Variants in DNAH2 observed in about 807,000 individuals in gnomAD.
The protein encoded by DNAH2 is axonemal beta dynein heavy chain 2.
In DNAH2, 323 loss-of-function variants were observed where a neutral mutation model predicts 523.5. The ratio of observed to expected loss-of-function variants is 0.62; its 90% CI spans 0.56 to 0.68. The LOEUF is 0.68. Ranked by LOEUF, DNAH2 falls within the 30% of genes least tolerant of loss-of-function variation. DNAH2 has a pLI of 0.00. For missense variants in DNAH2, 4,907 were observed against 5,701.5 expected (o/e 0.86, Z 4.49); for synonymous variants, 2,093 against 2,177.4 (o/e 0.96, Z 1.08).
In DNAH2 at chr17:7,832,910, C is replaced by T; in HGVS notation, c.12960C>T (p.Asn4320=). The T allele has an allele frequency of 6.2e-7, 1 of 1,614,212 alleles. No individual in the cohort carries two copies. Among genetic ancestry groups the T allele is most frequent in the Non-Finnish European group, 8.5e-7 (1 of 1,180,042 alleles). ...EFIVSTVDDS[N]LVYPPKDGVW... ...TCGTTTCCACTGTGGATGACAGCAA[C>T]CTAGTGTATCCCCCCAAGGTGGGAG... Residue 4320 remains asparagine (N), a synonymous_variant, in exon 84 of 86, where the codon AAC becomes AAT. Coordinates refer to ENST00000572933, the MANE Select transcript of DNAH2 (RefSeq NM_020877.5). The surrounding 1 kb of genome is among the most constrained non-coding windows in gnomAD (Gnocchi z 4.3).
intron 18 of DNAH2, 88 bp from the exon 19 acceptor site, chr17:7,763,743 A>G: frequency 6.6e-7 from 1 of 1,519,180 alleles, no homozygotes; most frequent in South Asian, 1.2e-5. Context: ...GTTTGGGTGG[A>G]AGGAAATGAG....
intron 7 of DNAH2, among the ~76,000 whole-genome samples, chr17:7,735,748 A>T (rs1056184950): frequency 6.7e-6 from 1 of 148,248 alleles, no homozygotes; most frequent in Non-Finnish European, 1.5e-5. Context: ...TCAATTGTTA[A>T]TTTTTTTTAT....
chr17:7,818,207 G>A (rs773752034), intron 68 of DNAH2, 105 bp from the exon 69 acceptor site: 5 of 1,595,120 alleles, frequency 3.1e-6, no homozygotes, highest in Admixed American at 1.7e-5. Context: ...CCCTGGCCTG[G>A]GGCCTTAGGA....
rs2074500986 is a variant in DNAH2 at position 7,718,804 on chromosome 17, C to T, written c.-15+5C>T. The T allele has an allele frequency of 6.5e-6, 1 of 152,740 alleles. No homozygotes were observed. The highest frequency in any genetic ancestry group is 2.4e-5 in the African/African-American group (1 of 41,442). 9.5% of individuals were successfully genotyped at this position (152,740 alleles called of 1,614,324 possible). A position where few individuals can be genotyped will look rare whatever the true frequency, so the allele number is the denominator to read the frequency against. On this transcript the variant is annotated splice_donor_5th_base_variant and intron_variant, in intron 1 of 85. Transcript: ENST00000572933. The stretch of plus-strand genomic sequence containing the variant: ...ACTTCAAAGCGATAGACCCAGGTGG[C>T]AAATACTGTTTTTCTCTGTTTACAG...
intron 28 of DNAH2, among the ~76,000 whole-genome samples, chr17:7,773,287 C>T (rs2076366833): frequency 6.6e-6 from 1 of 152,184 alleles, no homozygotes; most frequent in South Asian, 2.1e-4. Context: ...TGCCATGTAT[C>T]TAAATAAAAT....
intron 39 of DNAH2, among the ~76,000 whole-genome samples, chr17:7,784,847 A>G (rs1287568814): frequency 6.6e-6 from 1 of 152,182 alleles, no homozygotes; most frequent in Non-Finnish European, 1.5e-5. Flanking sequence ...GCACTAAATA[A>G]TATAGCTACA....
chr17:7,813,083 G>T (rs1011399133), intron 63 of DNAH2, among the ~76,000 whole-genome samples: 9 of 152,188 alleles, frequency 5.9e-5, no homozygotes, highest in Non-Finnish European at 1.3e-4. Context: ...GAACCTGGCT[G>T]AGTGGGGAAC....
intron 4 of DNAH2, among the ~76,000 whole-genome samples, chr17:7,729,721 C>T (rs1200193675): frequency 2.6e-5 from 4 of 152,204 alleles, no homozygotes; most frequent in African/African-American, 7.2e-5. Context: ...TGAGCCACCA[C>T]ACCCGGCTTG....
At chr17:7,826,311 G>A (rs1005556910) in intron 77 of DNAH2, among the ~76,000 whole-genome samples, 10 of 152,138 alleles carry the variant, frequency 6.6e-5, no homozygotes, top group African/African-American at 1.9e-4. Context: ...TTACAGGTGT[G>A]AGCCACCGTG....
intron 18 of DNAH2, among the ~76,000 whole-genome samples, chr17:7,762,360 G>A (rs1217485655): frequency 1.4e-5 from 2 of 147,242 alleles, no homozygotes; most frequent in East Asian, 4.0e-4. Flanking sequence ...TTTTGAGACG[G>A]AGTCTCACTC....
intron 11 of DNAH2, among the ~76,000 whole-genome samples, chr17:7,741,293 T>TCTTTCTTCCTTCCTTC (rs1555540783): frequency 6.5e-5 from 4 of 61,592 alleles, no homozygotes; most frequent in Middle Eastern, 7.1e-3. Flanking sequence ...TTTCTTTCTT[T>TCTTTCTTCCTTCCTTC]CTTCCTTCCT....
intron 68 of DNAH2, 40 bp from the exon 69 acceptor site, chr17:7,818,272 T>C (rs1226790662): frequency 1.9e-6 from 3 of 1,610,790 alleles, no homozygotes; most frequent in Non-Finnish European, 2.5e-6. Context: ...CTGGTACCCA[T>C]CACATGGAGT....
intron 21 of DNAH2, 70 bp downstream of exon 21, chr17:7,765,635 C>T: frequency 4.5e-6 from 7 of 1,541,688 alleles, no homozygotes; most frequent in Non-Finnish European, 6.1e-6. Flanking sequence ...AGCCCAGGTC[C>T]TGGGAAGGCG....
chr17:7,745,236 C>T (rs1416273892), intron 12 of DNAH2, among the ~76,000 whole-genome samples: 1 of 152,158 alleles, frequency 6.6e-6, no homozygotes, highest in Admixed American at 6.6e-5. Context: ...CTCAGGTGAT[C>T]TGGCCACCTC....
At chr17:7,819,756 C>G (rs748560679) in intron 72 of DNAH2, among the ~76,000 whole-genome samples, 9 of 152,198 alleles carry the variant, frequency 5.9e-5, no homozygotes, top group Non-Finnish European at 1.3e-4. Flanking sequence ...GCAACTCCAA[C>G]AAGCTCCCAG....
intron 49 of DNAH2, 145 bp downstream of exon 49, chr17:7,794,503 T>C (rs1169062728): frequency 1.2e-5 from 8 of 643,054 alleles, no homozygotes; most frequent in Admixed American, 3.7e-5. Context: ...CGTAAGGGCA[T>C]GTGCTGGCTC....
intron 39 of DNAH2, among the ~76,000 whole-genome samples, chr17:7,782,372 T>C (rs1376452100): frequency 6.6e-6 from 1 of 152,208 alleles, no homozygotes; most frequent in African/African-American, 2.4e-5. Flanking sequence ...TCTCACATGG[T>C]TTCCAGTCAT....
Position 7,754,050 on chromosome 17 carries a change from G to A in DNAH2, c.1905-3041G>A, listed in dbSNP as rs2075766881. Reference sequence around the variant, plus strand: ...AGGGGATGCTTGGTGAGTGTGATGAGGGCATTTGATGGGTGGAGTGGGAGC... The same window carrying A: ...AGGGGATGCTTGGTGAGTGTGATGAAGGCATTTGATGGGTGGAGTGGGAGC... On this transcript the variant is annotated intron_variant, in intron 12 of 85. Coordinates refer to ENST00000572933, the MANE Select transcript of DNAH2 (RefSeq NM_020877.5). The surrounding 1 kb of genome is among the most constrained non-coding windows in gnomAD (Gnocchi z 4.6). Among the ~76,000 whole-genome samples, 2 of 152,014 alleles carry A rather than the reference G, an allele frequency of 1.3e-5. No homozygotes were observed. Among genetic ancestry groups the A allele is most frequent in the African/African-American group, 4.8e-5 (2 of 41,396 alleles).
At chr17:7,724,657 A>C (rs1248692158) in intron 3 of DNAH2, among the ~76,000 whole-genome samples, 1 of 151,980 alleles carries the variant, frequency 6.6e-6, no homozygotes, top group Non-Finnish European at 1.5e-5. Flanking sequence ...AAACAAAAAA[A>C]CAATATTTTG....
Sources: allele counts gnomAD v4.1 joint callset (sites outside exome capture counted in the v4.1 genomes callset), GRCh38; gene constraint gnomAD v4.1.1; non-coding constraint Gnocchi (gnomAD v3.1); transcripts MANE v1.5; gene names NCBI Gene and HGNC (gene_info 2026-07-23, HGNC 2026-07-21).